RANBP17: variants seen among roughly 807,000 people sequenced by gnomAD.
RANBP17 encodes RAN binding protein 17.
Under a neutral mutation model 141.2 loss-of-function variants are expected in RANBP17, and 158 were observed. That is an observed-to-expected ratio of 1.12 (90% CI 0.98 to 1.28). RANBP17 has a LOEUF of 1.28. Among genes scored for constraint, RANBP17 ranks in the 50% most tolerant of loss-of-function variants. The pLI is 0.00. For synonymous variants in RANBP17, 430 were observed against 450.0 expected (o/e 0.96, Z 0.56); for missense variants, 1,438 against 1,290.7 (o/e 1.11, Z -1.75).
At chr5:171,238,034 G>A (rs965545908) in intron 22 of RANBP17, among the ~76,000 whole-genome samples, 1 of 152,178 alleles carries the variant, frequency 6.6e-6, no homozygotes, top group Non-Finnish European at 1.5e-5. Context: ...ACATGGCCAA[G>A]CCTTCTTTTC....
At chr5:171,135,173 G>A (rs748800478) in intron 14 of RANBP17, among the ~76,000 whole-genome samples, 1 of 151,356 alleles carries the variant, frequency 6.6e-6, no homozygotes, top group South Asian at 2.1e-4. Context: ...CCAGCTACCC[G>A]GGAGGCTGAG....
intron 21 of RANBP17, among the ~76,000 whole-genome samples, chr5:171,216,449 G>A (rs1448727388): frequency 6.6e-6 from 1 of 152,158 alleles, no homozygotes; most frequent in Non-Finnish European, 1.5e-5. Context: ...AAAGATACTG[G>A]TAGCTTGATG....
At chr5:171,114,409 G>A (rs1311653320) in intron 14 of RANBP17, among the ~76,000 whole-genome samples, 3 of 151,998 alleles carry the variant, frequency 2.0e-5, no homozygotes, top group African/African-American at 7.2e-5. Flanking sequence ...TGCTCCAGGA[G>A]CTTACAGTAC....
chr5:171,252,617 A>T, intron 24 of RANBP17: 2 of 1,359,134 alleles, frequency 1.5e-6, no homozygotes, highest in Non-Finnish European at 1.1e-6. Flanking sequence ...GATCAACTTC[A>T]TCGATTTACA....
intron 21 of RANBP17, among the ~76,000 whole-genome samples, chr5:171,214,614 T>G (rs1430150158): frequency 1.3e-5 from 2 of 152,148 alleles, no homozygotes; most frequent in African/African-American, 2.4e-5. Context: ...GTTTTTACCC[T>G]AAAACAAGAG....
intron 12 of RANBP17, among the ~76,000 whole-genome samples, chr5:170,944,878 T>G (rs558338017): frequency 6.6e-6 from 1 of 152,314 alleles, no homozygotes; most frequent in African/African-American, 2.4e-5. Flanking sequence ...TTTGAGAAAT[T>G]CACATTTTAT....
At chr5:171,231,141 CCTCA>C (rs1764185385) in intron 22 of RANBP17, among the ~76,000 whole-genome samples, 1 of 140,620 alleles carries the variant, frequency 7.1e-6, no homozygotes, top group East Asian at 2.1e-4. Flanking sequence ...CGAGATAGGG[CCTCA>C]CTATGTTGCC....
intron 14 of RANBP17, among the ~76,000 whole-genome samples, chr5:171,081,858 G>A (rs1253650199): frequency 6.6e-6 from 1 of 152,084 alleles, no homozygotes; most frequent in African/African-American, 2.4e-5. Flanking sequence ...CAGATGAACA[G>A]TTCTTTTCCT....
chr5:171,065,900 G>A lies in RANBP17; in HGVS notation c.1710+97523G>A, dbSNP rs537505093. The stretch of plus-strand genomic sequence containing the variant: ...TTTTGAGACGGAGTCTCACTCTGTC[G>A]CCCAGATTGAAGTGCAGTGGTATGG... On this transcript the variant is annotated intron_variant, in intron 14 of 27. Coordinates refer to ENST00000523189, the MANE Select transcript of RANBP17 (RefSeq NM_022897.5). Among the ~76,000 whole-genome samples the A allele has an allele frequency of 1.2e-4, 18 of 151,348 alleles. No individual in the cohort carries two copies. The South Asian group carries it at 1.3e-3, about 11-fold the overall frequency.
intron 25 of RANBP17, among the ~76,000 whole-genome samples, chr5:171,290,211 A>G (rs530515337): frequency 6.6e-6 from 1 of 152,204 alleles, no homozygotes; most frequent in East Asian, 1.9e-4. Context: ...TACTAAAAAA[A>G]TACAAAAATT....
intron 3 of RANBP17, among the ~76,000 whole-genome samples, chr5:170,883,359 C>T (rs1018220981): frequency 6.6e-6 from 1 of 152,194 alleles, no homozygotes; most frequent in African/African-American, 2.4e-5. Context: ...GTCCCTTCTG[C>T]CACACACGCA....
chr5:171,100,390 A>G (rs1043092669), intron 14 of RANBP17, among the ~76,000 whole-genome samples: 1 of 152,184 alleles, frequency 6.6e-6, no homozygotes, highest in East Asian at 1.9e-4. Flanking sequence ...ATTTGCATAC[A>G]GGTGTTTATA....
chr5:171,251,248 C>T (rs1334995084), intron 24 of RANBP17, among the ~76,000 whole-genome samples: 1 of 152,000 alleles, frequency 6.6e-6, no homozygotes, highest in Non-Finnish European at 1.5e-5. Context: ...GCCACCATGC[C>T]CAGCTTTTTT....
intron 12 of RANBP17, among the ~76,000 whole-genome samples, chr5:170,933,298 CTCTT>C (rs1434090565): frequency 1.2e-4 from 18 of 152,064 alleles, no homozygotes; most frequent in African/African-American, 3.9e-4. Flanking sequence ...TGATTCCTCT[CTCTT>C]TTCTTCTTTA....
chr5:171,199,629 A>G lies in RANBP17; in HGVS notation c.2039-41A>G, dbSNP rs748152888. 8 of 1,232,444 alleles carry G rather than the reference A, an allele frequency of 6.5e-6. No individual in the cohort carries two copies. In the South Asian group the frequency reaches 1.0e-4, roughly 15 times the overall value. The allele number at this position is 1,232,444 out of a possible 1,614,324, so 76.3% of individuals were successfully genotyped here. A position where few individuals can be genotyped will look rare whatever the true frequency, so the allele number is the denominator to read the frequency against. ...AATGCTGAGGACAATGTACAATTCT[A>G]TGCATTTTAAACCGTAGTGACCCTT... is the stretch of plus-strand genomic sequence containing the variant. On this transcript the variant is annotated intron_variant, in intron 18 of 27. Transcript: ENST00000523189.
chr5:170,957,164 A>T (rs972454674), intron 13 of RANBP17, among the ~76,000 whole-genome samples: 3 of 152,156 alleles, frequency 2.0e-5, no homozygotes, highest in African/African-American at 7.2e-5. Flanking sequence ...AAGTAGGTAT[A>T]TATTTGCCAA....
At chr5:171,064,756 C>G (rs973450838) in intron 14 of RANBP17, among the ~76,000 whole-genome samples, 3 of 152,056 alleles carry the variant, frequency 2.0e-5, no homozygotes, top group African/African-American at 7.2e-5. Flanking sequence ...CTTGAGCTCA[C>G]ATGATCTGCC....
At chr5:171,086,476 A>G (rs1012805346) in intron 14 of RANBP17, among the ~76,000 whole-genome samples, 53 of 145,068 alleles carry the variant, frequency 3.7e-4, no homozygotes, top group African/African-American at 1.1e-3. Flanking sequence ...TGCTGGCCTC[A>G]TAAAATGAGT....
intron 3 of RANBP17, among the ~76,000 whole-genome samples, chr5:170,883,392 C>T (rs1222268490): frequency 6.6e-6 from 1 of 152,212 alleles, no homozygotes; most frequent in Non-Finnish European, 1.5e-5. Flanking sequence ...TATCAACATC[C>T]TGCACCAAAG....
Sources: allele counts gnomAD v4.1 joint callset (sites outside exome capture counted in the v4.1 genomes callset), GRCh38; gene constraint gnomAD v4.1.1; transcripts MANE v1.5; gene names NCBI Gene and HGNC (gene_info 2026-07-23, HGNC 2026-07-21).